PMS2: variants seen among roughly 807,000 people sequenced by gnomAD.
PMS2 encodes the protein mismatch repair endonuclease PMS2.
A neutral mutation model predicts 90.0 loss-of-function variants in PMS2; 69 were observed. That is an observed-to-expected ratio of 0.77 (90% CI 0.63 to 0.94). The LOEUF is 0.94. PMS2 is among the 40% of genes least tolerant of loss of function. The probability of loss-of-function intolerance (pLI) is 0.00; values close to 1 mark genes in which losing one functional copy is unlikely to be tolerated. For synonymous variants in PMS2, 332 were observed against 375.1 expected, an observed-to-expected ratio of 0.89 and a Z score of 1.33; for missense variants, 966 against 1,040.2, an observed-to-expected ratio of 0.93 and a Z score of 0.98.
chr7:5,979,253 T>C (rs1242915138), intron 12 of PMS2, among the ~76,000 whole-genome samples: 1 of 134,690 alleles, frequency 7.4e-6, no homozygotes, highest in Non-Finnish European at 1.6e-5. Flanking sequence ...TAGCTGGAAG[T>C]GGTGGCTCAT....
intron 4 of PMS2, among the ~76,000 whole-genome samples, chr7:6,003,004 A>G (rs118162198): frequency 0.025 from 3,795 of 152,220 alleles, 89 homozygotes; most frequent in Middle Eastern, 0.13. Flanking sequence ...ATTAAAATGT[A>G]TATGTAGGGC....
At chr7:5,994,554 A>C (rs565907269) in intron 8 of PMS2, among the ~76,000 whole-genome samples, 185 of 152,178 alleles carry the variant, frequency 1.2e-3, no homozygotes, top group Middle Eastern at 3.4e-3. Context: ...TGGGCGGATC[A>C]CGAGGTCAGG....
intron 5 of PMS2, among the ~76,000 whole-genome samples, chr7:5,999,977 T>C (rs75627652): frequency 1.3e-4 from 20 of 152,118 alleles, no homozygotes; most frequent in Non-Finnish European, 2.8e-4. Flanking sequence ...GCAAGCATCA[T>C]TGAGGAGTTG....
At chr7:5,997,493 TCTTA>T in intron 6 of PMS2, 70 bp from the exon 7 acceptor site, 1 of 907,438 alleles carries the variant, frequency 1.1e-6, no homozygotes, top group South Asian at 1.5e-5. Context: ...CTGTTTTCTT[TCTTA>T]GTCAAGCTAT....
At chr7:5,996,676 T>C (rs1036426702) in intron 7 of PMS2, among the ~76,000 whole-genome samples, 2 of 151,068 alleles carry the variant, frequency 1.3e-5, no homozygotes, top group African/African-American at 4.9e-5. Context: ...TATTTTCTTA[T>C]ACGAAAAGTA....
chr7:5,978,503 T>G (rs1781958657), intron 13 of PMS2, 93 bp downstream of exon 13: 1 of 1,217,810 alleles, frequency 8.2e-7, no homozygotes, highest in Non-Finnish European at 1.2e-6. Flanking sequence ...ACTCCTGACC[T>G]CAGGCGATCT....
rs1583321885 is a variant in PMS2 at position 5,987,465 on chromosome 7, G to A, written c.1300C>T (p.Pro434Ser). 6.2e-7 allele frequency: 1 copy of A among 1,613,986 alleles called. No individual in the cohort carries two copies. Among genetic ancestry groups the A allele is most frequent in the East Asian group, 2.2e-5 (1 of 44,894 alleles). Reference sequence around the variant, plus strand: ...GGTTCTGGAGTCTTTGGGCTGTGAGGCTTGTTCTCTGTTGTGTGACGAAGA... The same window carrying A: ...GGTTCTGGAGTCTTTGGGCTGTGAGACTTGTTCTCTGTTGTGTGACGAAGA... Reference protein sequence around the residue: ...FSLRHTTENKPHSPKTPEPRR... With the variant: ...FSLRHTTENKSHSPKTPEPRR... The change falls in exon 11 of 15, where the codon CCT becomes TCT. Residue 434 changes from proline (P) to serine (S), a missense_variant. Physicochemically the swap from Pro to Ser is moderately conservative, Grantham distance 74. This residue lies in a region of PMS2 where 871 missense variants were observed against 802.4 expected (regional missense o/e 1.09). Coordinates refer to ENST00000265849, the MANE Select transcript of PMS2 (RefSeq NM_000535.7).
rs1554304940 is a variant in PMS2 at position 6,003,971 on chromosome 7, C to CTTAA, written c.247_250dup (p.Thr84IlefsTer9). 6.3e-7 allele frequency: 1 copy of CTTAA among 1,581,040 alleles called. No individual in the cohort carries two copies. The highest frequency in any genetic ancestry group is 8.7e-7 in the Non-Finnish European group (1 of 1,151,800). ...AATAGGATTAGAAAAAGTCAACTTA[C>CTTAA]TTAAGCCTTCGAAGTTTTCTTCTTC... On this transcript the variant is annotated frameshift_variant and splice_region_variant. Transcript: ENST00000265849. LOFTEE classifies it high-confidence loss of function.
intron 1 of PMS2, among the ~76,000 whole-genome samples, chr7:6,007,500 C>T (rs7799214): frequency 0.16 from 24,632 of 152,036 alleles, 2,207 homozygotes; most frequent in African/African-American, 0.23. Context: ...CTGTCTAAAC[C>T]GCTCTCCTCT....
chr7:5,988,194 A>G (rs916855155), intron 10 of PMS2, among the ~76,000 whole-genome samples: 1 of 152,126 alleles, frequency 6.6e-6, no homozygotes, highest in Non-Finnish European at 1.5e-5. Context: ...GGTAGGAATG[A>G]ACCTGGTACA....
At chr7:5,996,590 A>T (rs578143025) in intron 7 of PMS2, among the ~76,000 whole-genome samples, 3,363 of 110,060 alleles carry the variant, frequency 0.031, 130 homozygotes, top group Admixed American at 0.1. Flanking sequence ...AAAAAAAAAA[A>T]ATATATATAT....
rs876659055 is a variant in PMS2, at chr7:6,002,560, T to A, written c.430A>T (p.Ile144Phe). ...GGGCGGGGGTAGGGGGTTTTCTGGA[T>A]AATTTTCCCATTGTGATCAAACATC... ...RLMFDHNGKIIQKTPYPRPRG... is the reference protein window; with the variant it reads ...RLMFDHNGKIFQKTPYPRPRG... The change falls in exon 5 of 15, where the codon ATC becomes TTC. Residue 144 changes from isoleucine (I) to phenylalanine (F), a missense_variant. Physicochemically the swap from Ile to Phe is conservative, Grantham distance 21. Around this residue, in one of 2 missense-constraint regions of PMS2, gnomAD observed 871 missense variants for 802.4 expected, o/e 1.09. Transcript: ENST00000265849. 1 of 1,611,898 alleles carries A rather than the reference T, an allele frequency of 6.2e-7. No homozygotes were observed. The highest frequency in any genetic ancestry group is 8.5e-7 in the Non-Finnish European group (1 of 1,179,746).
rs1064795447 is a variant in PMS2 at position 5,999,121 on chromosome 7, AAC to A, written c.690_691del (p.Phe231TrpfsTer17). The A allele has an allele frequency of 6.2e-7, 1 of 1,614,150 alleles. No homozygotes were observed. The highest frequency in any genetic ancestry group is 1.3e-5 in the African/African-American group (1 of 75,042). ...GGCCATCACTACCTGCTTCTGCCCA[AAC>A]ACAGAGCCGATATTTTCCTTTATGC... On this transcript the variant is annotated frameshift_variant, in exon 6 of 15. Transcript: ENST00000265849. LOFTEE classifies it high-confidence loss of function.
chr7:6,003,321 AT>A, intron 4 of PMS2: 1 of 150,136 alleles, frequency 6.7e-6, no homozygotes, highest in East Asian at 2.0e-4. Context: ...ATATATATAT[AT>A]ATAATTATTT....
At chr7:5,988,775 GAAAC>G (rs1394246628) in intron 10 of PMS2, among the ~76,000 whole-genome samples, 1 of 152,174 alleles carries the variant, frequency 6.6e-6, no homozygotes, top group Non-Finnish European at 1.5e-5. Context: ...ATGAGAGAAA[GAAAC>G]AAATCACAGA....
Position 5,997,307 on chromosome 7 carries a change from T to C in PMS2, c.803+19A>G, listed in dbSNP as rs761928990. The C allele has an allele frequency of 6.7e-6, 8 of 1,201,118 alleles. No homozygotes were observed. Among genetic ancestry groups the C allele is most frequent in the Non-Finnish European group, 9.9e-6 (8 of 805,102 alleles). 74.4% of individuals were successfully genotyped at this position (1,201,118 alleles called of 1,614,324 possible). On this transcript the variant is annotated intron_variant, in intron 7 of 14. Transcript: ENST00000265849. ...GATAAAATGTTCAATTGTAGTTCTCTTGCCAGCAATCTACTTACTAAAAAA... is the reference window on the plus strand; with the variant it reads ...GATAAAATGTTCAATTGTAGTTCTCCTGCCAGCAATCTACTTACTAAAAAA...
upstream of PMS2, chr7:6,009,094 A>G (rs746329908): frequency 5.8e-5 from 89 of 1,537,670 alleles, no homozygotes; most frequent in African/African-American, 1.6e-4. Flanking sequence ...CGCCTCCTGA[A>G]CTCCCATTGG....
chr7:5,991,290 AAG>A (rs907315407), intron 9 of PMS2, among the ~76,000 whole-genome samples: 1 of 151,786 alleles, frequency 6.6e-6, no homozygotes, highest in African/African-American at 2.4e-5. Context: ...GAGAGAGAGA[AAG>A]AGAGAGAGGA....
chr7:5,987,405 G>A lies in PMS2; in HGVS notation c.1360C>T (p.Leu454=), dbSNP rs1338448094. The stretch of plus-strand genomic sequence containing the variant: ...ATGGCACCTGAAGTGCTAGAAGACA[G>A]CATACCCCTTTTCTGTCCTAGAGGG... The part of the protein sequence containing the change: ...RSPLGQKRGM[L]SSSTSGAISD... The change falls in exon 11 of 15, where the codon CTG becomes TTG. Residue 454 remains leucine (L), a synonymous_variant. Transcript: ENST00000265849. The A allele has an allele frequency of 1.4e-5, 22 of 1,614,024 alleles. No individual in the cohort carries two copies. The South Asian group carries it at 1.5e-4, about 11-fold the overall frequency.
Sources: gnomAD v4.1 joint callset for allele counts (sites outside exome capture counted in the v4.1 genomes callset) on GRCh38, gnomAD v4.1.1 for gene constraint, gnomAD v4.1.1 regional missense constraint, MANE v1.5 for transcripts, NCBI Gene and HGNC (gene_info 2026-07-23, HGNC 2026-07-21) for gene names.